The following RORA variants were observed in gnomAD, a reference collection of about 807,000 sequenced individuals.
The protein encoded by RORA is nuclear receptor ROR-alpha.
In RORA, 7 loss-of-function variants were observed where a neutral mutation model predicts 69.5. The ratio of observed to expected loss-of-function variants is 0.10; its 90% CI spans 0.06 to 0.19. The LOEUF (loss-of-function observed/expected upper bound fraction) is 0.19, where lower values mean the gene tolerates loss of function less well. Among genes scored for constraint, RORA ranks in the 10% least tolerant of loss-of-function variants. The pLI is 1.00. For missense variants in RORA, 457 were observed against 663.0 expected (o/e 0.69, Z 3.41); for synonymous variants, 261 against 240.8 (o/e 1.08, Z -0.78).
chr15:61,111,213 G>A (rs893739069), intron 1 of RORA, among the ~76,000 whole-genome samples: 3 of 152,222 alleles, frequency 2.0e-5, no homozygotes, highest in African/African-American at 7.2e-5. Flanking sequence ...AGAGAAGAAT[G>A]TGTATAGCTT....
At chr15:60,582,733 T>A (rs1384084659) in intron 2 of RORA, among the ~76,000 whole-genome samples, 2 of 152,232 alleles carry the variant, frequency 1.3e-5, no homozygotes, top group African/African-American at 4.8e-5. Flanking sequence ...GAGCACAGCC[T>A]GGGCTTATAT....
At chr15:61,222,729 G>A (rs2080109561) in intron 1 of RORA, among the ~76,000 whole-genome samples, 1 of 152,168 alleles carries the variant, frequency 6.6e-6, no homozygotes, top group East Asian at 1.9e-4. Flanking sequence ...GTGGTTCCAG[G>A]GATGCTTTCC....
At chr15:60,619,070 C>T (rs1314794156) in intron 2 of RORA, among the ~76,000 whole-genome samples, 3 of 152,244 alleles carry the variant, frequency 2.0e-5, no homozygotes. Flanking sequence ...AACACAGTTA[C>T]ACTAATGCAT....
chr15:60,972,666 A>G (rs1893753049), intron 1 of RORA, among the ~76,000 whole-genome samples: 1 of 152,172 alleles, frequency 6.6e-6, no homozygotes. Context: ...TGCTGCTCCA[A>G]TGCTTACTGG....
intron 2 of RORA, among the ~76,000 whole-genome samples, chr15:60,624,572 ATATT>A (rs2069521411): frequency 6.8e-6 from 1 of 146,900 alleles, no homozygotes; most frequent in Non-Finnish European, 1.5e-5. Context: ...CTGCACATAT[ATATT>A]ATATATACAC....
At chr15:60,527,072 G>C (rs199804191) in intron 3 of RORA, among the ~76,000 whole-genome samples, 1 of 152,306 alleles carries the variant, frequency 6.6e-6, no homozygotes, top group South Asian at 2.1e-4. Context: ...TGATTGGTAA[G>C]TGTATATTGG....
At chr15:60,741,097 G>A (rs759907740) in intron 1 of RORA, among the ~76,000 whole-genome samples, 2 of 152,210 alleles carry the variant, frequency 1.3e-5, no homozygotes, top group African/African-American at 4.8e-5. Context: ...AACCGCTTGA[G>A]TTATCCCCAA....
At chr15:60,930,362 T>C (rs1454352234) in intron 1 of RORA, among the ~76,000 whole-genome samples, 1 of 152,192 alleles carries the variant, frequency 6.6e-6, no homozygotes, top group African/African-American at 2.4e-5. Context: ...TCAAGGTCTA[T>C]ATAAGCCGAG....
At chr15:60,701,959 C>T (rs746418222) in intron 1 of RORA, among the ~76,000 whole-genome samples, 16 of 152,308 alleles carry the variant, frequency 1.1e-4, no homozygotes, top group East Asian at 1.9e-4. Flanking sequence ...TCCCGAGGAA[C>T]GCTTAATTGA....
At chr15:60,849,385 G>T (rs1595764742) in intron 1 of RORA, among the ~76,000 whole-genome samples, 1 of 152,108 alleles carries the variant, frequency 6.6e-6, no homozygotes. Context: ...AACTTTTAGG[G>T]AAAAAGTACA....
At chr15:60,793,545 CT>C (rs35897997) in intron 1 of RORA, among the ~76,000 whole-genome samples, 69,699 of 152,024 alleles carry the variant, frequency 0.46, 16,152 homozygotes, top group Middle Eastern at 0.54. Flanking sequence ...ATGCCAGTTT[CT>C]TAAGTCATCT....
In RORA at chr15:61,229,203, C is replaced by T. The variant is rs865833567; in HGVS notation, c.16G>A (p.Ala6Thr). 14 of 1,510,614 alleles carry T rather than the reference C, an allele frequency of 9.3e-6. No individual in the cohort carries two copies. The highest frequency in any genetic ancestry group is 1.2e-5 in the Non-Finnish European group (14 of 1,128,964). The allele number at this position is 1,510,614 out of a possible 1,614,324, so 93.6% of individuals were successfully genotyped here. A position where few individuals can be genotyped will look rare whatever the true frequency, so the allele number is the denominator to read the frequency against. MESAPAAPDPAASEPG... is the reference protein window; with the variant it reads MESAPTAPDPAASEPG... ...TCGCTGGCGGCGGGGTCGGGGGCTGCCGGAGCTGACTCCATGTTTTTTCCC... is the reference window on the plus strand; with the variant it reads ...TCGCTGGCGGCGGGGTCGGGGGCTGTCGGAGCTGACTCCATGTTTTTTCCC... Residue 6 changes from alanine to threonine, a missense_variant, in exon 1 of 11, where the codon GCA (alanine) becomes ACA (threonine). By Grantham distance (58) the Ala-to-Thr change is moderately conservative. This residue lies in a region of RORA where 119 missense variants were observed against 92.4 expected (regional missense o/e 1.29). Coordinates refer to ENST00000335670, the MANE Select transcript of RORA (RefSeq NM_134261.3).
At chr15:60,664,831 C>T (rs978524102) in intron 2 of RORA, among the ~76,000 whole-genome samples, 1 of 152,174 alleles carries the variant, frequency 6.6e-6, no homozygotes, top group Non-Finnish European at 1.5e-5. Flanking sequence ...GCAAGGCTTC[C>T]ACTCAAGCAA....
At chr15:60,959,009 C>T (rs1210142173) in intron 1 of RORA, among the ~76,000 whole-genome samples, 1 of 152,174 alleles carries the variant, frequency 6.6e-6, no homozygotes, top group Non-Finnish European at 1.5e-5. Flanking sequence ...TCTTCAAACA[C>T]CATCCAAGTC....
intron 2 of RORA, among the ~76,000 whole-genome samples, chr15:60,646,911 G>T (rs775070871): frequency 1.3e-5 from 2 of 152,216 alleles, no homozygotes; most frequent in Non-Finnish European, 2.9e-5. Flanking sequence ...CTTAATTAAG[G>T]ATTGAGAAGG....
intron 1 of RORA, among the ~76,000 whole-genome samples, chr15:60,689,593 T>C (rs1311370676): frequency 6.6e-6 from 1 of 152,228 alleles, no homozygotes. Flanking sequence ...TTGGAAATCA[T>C]ATCTTTATAG....
At chr15:60,779,540 T>C (rs1376135243) in intron 1 of RORA, among the ~76,000 whole-genome samples, 1 of 152,242 alleles carries the variant, frequency 6.6e-6, no homozygotes, top group East Asian at 1.9e-4. Context: ...GGAAGCACCA[T>C]AGAAGGGGAA....
chr15:60,807,454 T>C (rs1278131603), intron 1 of RORA, among the ~76,000 whole-genome samples: 2 of 152,212 alleles, frequency 1.3e-5, no homozygotes, highest in East Asian at 1.9e-4. Context: ...ACATATCCCA[T>C]GCTCATGGAT....
chr15:60,637,852 A>G (rs1418228450), intron 2 of RORA, among the ~76,000 whole-genome samples: 1 of 151,284 alleles, frequency 6.6e-6, no homozygotes, highest in Non-Finnish European at 1.5e-5. Flanking sequence ...TCTTTTAACT[A>G]TTCTTATTTC....
Sources: allele counts gnomAD v4.1 joint callset (sites outside exome capture counted in the v4.1 genomes callset), GRCh38; gene constraint gnomAD v4.1.1; regional missense constraint gnomAD v4.1.1; transcripts MANE v1.5; gene names NCBI Gene and HGNC (gene_info 2026-07-23, HGNC 2026-07-21).